RNF6: variants seen among roughly 807,000 people sequenced by gnomAD.
RNF6 encodes ring finger protein 6.
In RNF6, 21 loss-of-function variants were observed where a neutral mutation model predicts 50.1. The observed-to-expected ratio is 0.42, with a 90% CI of 0.30 to 0.60. The LOEUF (loss-of-function observed/expected upper bound fraction) is 0.60, where lower values mean the gene tolerates loss of function less well. RNF6 is among the 20% of genes least tolerant of loss of function. RNF6 has a pLI of 0.20. For synonymous variants in RNF6, 255 were observed against 291.8 expected (o/e 0.87, Z 1.29); for missense variants, 698 against 838.2 (o/e 0.83, Z 2.07).
intron 5 of RNF6, among the ~76,000 whole-genome samples, chr13:26,194,989 A>G (rs183932575): frequency 4.6e-5 from 7 of 152,328 alleles, no homozygotes; most frequent in Admixed American, 2.6e-4. Context: ...ACCTAGGATC[A>G]ATGCTTTGCA....
At chr13:26,183,861 AT>A (rs1370951349) in intron 5 of RNF6, among the ~76,000 whole-genome samples, 3 of 142,888 alleles carry the variant, frequency 2.1e-5, no homozygotes, top group South Asian at 2.2e-4. Flanking sequence ...TTATTTATAT[AT>A]TTTTATATAT....
intron 5 of RNF6, among the ~76,000 whole-genome samples, chr13:26,185,107 C>T (rs566054441): frequency 1.3e-5 from 2 of 152,222 alleles, no homozygotes; most frequent in African/African-American, 4.8e-5. Context: ...AGCCATTCTC[C>T]CACCTCAGCC....
intron 5 of RNF6, among the ~76,000 whole-genome samples, chr13:26,142,943 T>TACAC (rs956295633): frequency 6.6e-6 from 1 of 151,716 alleles, no homozygotes; most frequent in African/African-American, 2.4e-5. Flanking sequence ...AAGAAAACAA[T>TACAC]ACACACACAC....
chr13:26,133,205 CT>C (rs1179302259), intron 5 of RNF6, among the ~76,000 whole-genome samples: 2 of 152,130 alleles, frequency 1.3e-5, no homozygotes, highest in East Asian at 3.8e-4. Context: ...GAAAATTTTT[CT>C]GTTATTCAAA....
rs1872725026 is a variant in RNF6, at chr13:26,172,201, T to G, written n.769-39750A>C. On this transcript the variant is annotated intron_variant and non_coding_transcript_variant, in intron 5 of 5. Transcript: ENST00000468480. ...TCTACATACGCAGCCTGGTAAGTGA[T>G]GAATGCCATGGCAGGTCATTGGGAA... 2.0e-5 allele frequency among the ~76,000 whole-genome samples: 3 copies of G among 152,302 alleles called. No homozygotes were observed. In the South Asian group the frequency reaches 6.2e-4, roughly 32 times the overall value.
At chr13:26,187,004 C>G (rs1873582494) in intron 5 of RNF6, among the ~76,000 whole-genome samples, 1 of 152,138 alleles carries the variant, frequency 6.6e-6, no homozygotes, top group Non-Finnish European at 1.5e-5. Context: ...GTCTCGATCT[C>G]CTGACTTCGT....
At position 26,212,908 on chromosome 13, in the gene RNF6, G is replaced by A. The variant is rs1869402393; in HGVS notation, c.*916C>T. 1 of 152,112 alleles carries A rather than the reference G, an allele frequency of 6.6e-6. No individual in the cohort carries two copies. The highest frequency in any genetic ancestry group is 1.5e-5 in the Non-Finnish European group (1 of 67,944). The allele number at this position is 152,112 out of a possible 1,614,324, so 9.4% of individuals were successfully genotyped here. On this transcript the variant is annotated 3_prime_UTR_variant, in exon 5 of 5. Transcript: ENST00000381588. ...AGCCTCCAAGTGAACTTAACATATTGCCTATGCATCTGATTCTTTATAGAC... is the reference window on the plus strand; with the variant it reads ...AGCCTCCAAGTGAACTTAACATATTACCTATGCATCTGATTCTTTATAGAC...
At chr13:26,146,195 G>A (rs73158239) in intron 5 of RNF6, among the ~76,000 whole-genome samples, 5,961 of 152,298 alleles carry the variant, frequency 0.039, 128 homozygotes, top group Non-Finnish European at 0.051. Flanking sequence ...AGTGTTAACA[G>A]TATGAATTTT....
chr13:26,216,218 T>C (rs1021252119), intron 4 of RNF6, among the ~76,000 whole-genome samples: 1 of 152,216 alleles, frequency 6.6e-6, no homozygotes, highest in Non-Finnish European at 1.5e-5. Flanking sequence ...TCCTTGTCTA[T>C]AAACTGGAGT....
intron 5 of RNF6, among the ~76,000 whole-genome samples, chr13:26,202,311 T>TG (rs1472101832): frequency 6.6e-6 from 1 of 152,206 alleles, no homozygotes; most frequent in Non-Finnish European, 1.5e-5. Context: ...ATTAAGATGA[T>TG]GTGCCAGTTA....
intron 5 of RNF6, among the ~76,000 whole-genome samples, chr13:26,160,885 G>A (rs1181938953): frequency 6.6e-6 from 1 of 152,000 alleles, no homozygotes; most frequent in Non-Finnish European, 1.5e-5. Flanking sequence ...TGTCTCTCTG[G>A]ATGTCCTCAG....
At chr13:26,197,703 T>C (rs4770953) in intron 5 of RNF6, among the ~76,000 whole-genome samples, 79,813 of 151,686 alleles carry the variant, frequency 0.53, 23,183 homozygotes, top group East Asian at 0.7. Context: ...CCATTTTCAC[T>C]TGTTTAATTA....
At chr13:26,188,941 T>C (rs112172241) in intron 5 of RNF6, among the ~76,000 whole-genome samples, 4,838 of 152,142 alleles carry the variant, frequency 0.032, 272 homozygotes, top group African/African-American at 0.11. Flanking sequence ...AACAGATTTC[T>C]GAAGAGGTTG....
At chr13:26,153,505 C>T (rs1871743769) in intron 5 of RNF6, among the ~76,000 whole-genome samples, 1 of 152,084 alleles carries the variant, frequency 6.6e-6, no homozygotes, top group Non-Finnish European at 1.5e-5. Context: ...GCCACCGCAC[C>T]CAGTCAAGAT....
chr13:26,181,286 C>T (rs1873230044), intron 5 of RNF6, among the ~76,000 whole-genome samples: 1 of 152,108 alleles, frequency 6.6e-6, no homozygotes, highest in South Asian at 2.1e-4. Flanking sequence ...GATGTGCACT[C>T]TAAAGGAAGA....
intron 5 of RNF6, among the ~76,000 whole-genome samples, chr13:26,153,783 TA>T (rs11363090): frequency 0.046 from 7,004 of 152,196 alleles, 252 homozygotes; most frequent in African/African-American, 0.096. Context: ...GGAGGTGCCA[TA>T]AAATGACCGA....
intron 5 of RNF6, among the ~76,000 whole-genome samples, chr13:26,134,066 C>T (rs1870525014): frequency 6.6e-6 from 1 of 152,186 alleles, no homozygotes; most frequent in Non-Finnish European, 1.5e-5. Flanking sequence ...CAGTTGCACA[C>T]TTGACCTCTG....
intron 1 of RNF6, chr13:26,221,756 A>G (rs1870528239): frequency 6.6e-6 from 1 of 152,126 alleles, no homozygotes; most frequent in Admixed American, 6.5e-5. Context: ...ACGATAAATA[A>G]AGTGGGCTCA....
intron 5 of RNF6, among the ~76,000 whole-genome samples, chr13:26,178,512 G>A (rs1873073090): frequency 1.3e-5 from 2 of 151,426 alleles, no homozygotes; most frequent in African/African-American, 4.9e-5. Context: ...GAATGTGGGC[G>A]GGGGTGGGGG....
Sources: gnomAD v4.1 joint callset for allele counts (sites outside exome capture counted in the v4.1 genomes callset) on GRCh38, gnomAD v4.1.1 for gene constraint, MANE v1.5 for transcripts, NCBI Gene and HGNC (gene_info 2026-07-23, HGNC 2026-07-21) for gene names.